POU6F1: variants seen among roughly 807,000 people sequenced by gnomAD.
POU6F1 encodes POU class 6 homeobox 1, also known as POU domain, class 6, transcription factor 1.
A neutral mutation model predicts 28.9 loss-of-function variants in POU6F1; 9 were observed. That is an observed-to-expected ratio of 0.31 (90% CI 0.19 to 0.54). The LOEUF (loss-of-function observed/expected upper bound fraction) is 0.54, where lower values mean the gene tolerates loss of function less well. Ranked by LOEUF, POU6F1 falls within the 20% of genes least tolerant of loss-of-function variation. The pLI is 0.94. For missense variants in POU6F1, 338 were observed against 426.1 expected (o/e 0.79, Z 1.82); for synonymous variants, 173 against 171.1 (o/e 1.01, Z -0.09).
At chr12:51,215,236 T>C (rs1279264142) in intron 1 of POU6F1, among the ~76,000 whole-genome samples, 5 of 152,066 alleles carry the variant, frequency 3.3e-5, no homozygotes, top group Non-Finnish European at 7.4e-5. Context: ...TTTCCAGTAC[T>C]GGGGCTACTT....
At chr12:51,209,391 C>T (rs950176244) in intron 1 of POU6F1, among the ~76,000 whole-genome samples, 2 of 152,204 alleles carry the variant, frequency 1.3e-5, no homozygotes, top group Admixed American at 6.5e-5. Flanking sequence ...TAGAATATGT[C>T]GCTTTGTGTG....
chr12:51,216,824 T>C (rs115500675), intron 1 of POU6F1, among the ~76,000 whole-genome samples: 1,671 of 152,236 alleles, frequency 0.011, 25 homozygotes, highest in African/African-American at 0.038. Flanking sequence ...CGAACTCTTC[T>C]GATTTCCCCC....
intron 8 of POU6F1, among the ~76,000 whole-genome samples, chr12:51,194,559 T>C (rs1942679850): frequency 6.6e-6 from 1 of 150,410 alleles, no homozygotes; most frequent in Non-Finnish European, 1.5e-5. Context: ...GAGGATTGAT[T>C]GAGTCTAGGA....
chr12:51,215,428 G>C (rs1944234729), intron 1 of POU6F1, among the ~76,000 whole-genome samples: 1 of 151,808 alleles, frequency 6.6e-6, no homozygotes, highest in South Asian at 2.1e-4. Context: ...GGTGGTGTGC[G>C]CCTATAGTTC....
chr12:51,197,050 C>T (rs959342118), intron 6 of POU6F1, 123 bp from the exon 7 acceptor site: 91 of 596,718 alleles, frequency 1.5e-4, no homozygotes, highest in Middle Eastern at 1.3e-3. Context: ...CCATGTCTAC[C>T]GGCTGGATGG....
rs141839526 is a variant in POU6F1, at chr12:51,190,544, C to G, written c.1539G>C (p.Pro513=). Residue 513 remains proline, a synonymous_variant, in exon 11 of 11, where the codon CCG becomes CCC. Transcript: ENST00000333640. This position sits in a 1 kb window ranked among gnomAD's most constrained non-coding sequence, Gnocchi z 4.5. ...CTTCGTTTAGCCACTTTTCCAGCAC[C>G]GGCTTTAGCTTCTGGGCACTCTTGG... ...ITPKSAQKLK[P]VLEKWLNEAE... 1.2e-6 allele frequency: 2 copies of G among 1,614,160 alleles called. No individual in the cohort carries two copies. Among genetic ancestry groups the G allele is most frequent in the Admixed American group, 3.3e-5 (2 of 60,020 alleles).
intron 2 of POU6F1, among the ~76,000 whole-genome samples, chr12:51,205,164 C>T (rs572834003): frequency 1.2e-4 from 18 of 151,844 alleles, no homozygotes; most frequent in South Asian, 2.1e-4. Context: ...CTCAGCCTCC[C>T]GAGTAGCTGG....
chr12:51,207,812 C>T (rs927290357), intron 1 of POU6F1: 1 of 152,196 alleles, frequency 6.6e-6, no homozygotes, highest in Non-Finnish European at 1.5e-5. Context: ...ACAGAATCAG[C>T]TCTCAGGTGA....
chr12:51,204,559 C>T (rs899472742), intron 2 of POU6F1, among the ~76,000 whole-genome samples, 191 bp from the exon 3 acceptor site: 1 of 152,148 alleles, frequency 6.6e-6, no homozygotes, highest in African/African-American at 2.4e-5. Context: ...AGGGAAGGAG[C>T]TGCTGGAAGA....
chr12:51,194,668 G>A (rs920249334), intron 8 of POU6F1, among the ~76,000 whole-genome samples: 1 of 151,028 alleles, frequency 6.6e-6, no homozygotes, highest in Non-Finnish European at 1.5e-5. Flanking sequence ...AGCTCATCTG[G>A]TCAGCCATTT....
At chr12:51,212,073 T>G (rs201170873) in intron 1 of POU6F1, among the ~76,000 whole-genome samples, 1 of 108,940 alleles carries the variant, frequency 9.2e-6, no homozygotes, top group African/African-American at 3.6e-5. Context: ...TTTTTTTTTT[T>G]GTTTTTTTTG....
At chr12:51,195,777 T>C (rs1214497216) in intron 8 of POU6F1, among the ~76,000 whole-genome samples, 193 bp downstream of exon 8, 1 of 152,164 alleles carries the variant, frequency 6.6e-6, no homozygotes, top group Admixed American at 6.5e-5. Flanking sequence ...GGGGGTCTCG[T>C]GGTGCTGTTT....
At chr12:51,192,664 G>A (rs955745755) in intron 8 of POU6F1, among the ~76,000 whole-genome samples, 193 bp from the exon 9 acceptor site, 1 of 152,200 alleles carries the variant, frequency 6.6e-6, no homozygotes, top group African/African-American at 2.4e-5. Context: ...CAACACTTTG[G>A]GAAGCCAAGG....
At chr12:51,192,578 G>A (rs1942501954) in intron 8 of POU6F1, 107 bp from the exon 9 acceptor site, 8 of 1,420,460 alleles carry the variant, frequency 5.6e-6, no homozygotes, top group South Asian at 5.3e-5. Context: ...AAATCCTCAC[G>A]CATGCAGGAC....
chr12:51,204,924 C>A (rs1029325225), intron 2 of POU6F1, among the ~76,000 whole-genome samples: 1 of 151,976 alleles, frequency 6.6e-6, no homozygotes, highest in African/African-American at 2.4e-5. Context: ...TTCGAAAACT[C>A]TGGAGTAAAG....
Position 51,205,880 on chromosome 12 carries a change from G to A in POU6F1, c.48+909C>T, listed in dbSNP as rs1396816435. On this transcript the variant is annotated intron_variant, in intron 2 of 10. Coordinates refer to ENST00000333640, the MANE Select transcript of POU6F1 (RefSeq NM_001330422.2). ...GTCACCCAGGCTGGAGTTCAGTGGC[G>A]CGATCTCGGCTCACTGCAAGCTCCA... 2.7e-5 allele frequency among the ~76,000 whole-genome samples: 4 copies of A among 147,534 alleles called. No homozygotes were observed. In the East Asian group the frequency reaches 6.1e-4, roughly 23 times the overall value.
At chr12:51,192,086 G>A (rs10747607) in intron 9 of POU6F1, among the ~76,000 whole-genome samples, 52,919 of 151,160 alleles carry the variant, frequency 0.35, 9,464 homozygotes, top group African/African-American at 0.42. Context: ...AGACCATAGC[G>A]GAGACAGCCC....
Position 51,188,881 on chromosome 12 carries a change from T to C in POU6F1, c.*1366A>G, listed in dbSNP as rs919829572. 1.3e-5 allele frequency: 2 copies of C among 152,204 alleles called. No individual in the cohort carries two copies. The highest frequency in any genetic ancestry group is 3.9e-4 in the East Asian group (2 of 5,172). The allele number at this position is 152,204 out of a possible 1,614,324, so 9.4% of individuals were successfully genotyped here. On this transcript the variant is annotated 3_prime_UTR_variant, in exon 11 of 11. Coordinates refer to ENST00000333640, the MANE Select transcript of POU6F1 (RefSeq NM_001330422.2). ...GCAAGCCTGTGGTCATCTAGGCAAA[T>C]CTCAGTTCTCTCCTGACTTCCTGGA...
In POU6F1 at chr12:51,190,264, C is replaced by G; in HGVS notation, c.1819G>C (p.Val607Leu). ...QTLKNTSKLN[V>L]FQIP ...GCTGAGCCCTAAGGGATCTGAAAGA[C>G]GTTCAGCTTGCTGGTGTTCTTGAGC... The change falls in exon 11 of 11, where the codon GTC becomes CTC. Residue 607 changes from valine (V) to leucine (L), a missense_variant. Val to Leu is a conservative substitution (Grantham distance 32). Around this residue, in one of 3 missense-constraint regions of POU6F1, gnomAD observed 126 missense variants for 176.5 expected, o/e 0.71. Transcript: ENST00000333640. This position sits in a 1 kb window ranked among gnomAD's most constrained non-coding sequence, Gnocchi z 4.5. 6.2e-7 allele frequency: 1 copy of G among 1,614,156 alleles called. No individual in the cohort carries two copies. Among genetic ancestry groups the G allele is most frequent in the Non-Finnish European group, 8.5e-7 (1 of 1,179,998 alleles).
Sources: allele counts gnomAD v4.1 joint callset (sites outside exome capture counted in the v4.1 genomes callset), GRCh38; gene constraint gnomAD v4.1.1; regional missense constraint gnomAD v4.1.1; non-coding constraint Gnocchi (gnomAD v3.1); transcripts MANE v1.5; gene names NCBI Gene and HGNC (gene_info 2026-07-23, HGNC 2026-07-21).